TTN: variants seen among roughly 807,000 people sequenced by gnomAD.
TTN encodes titin, also known as connectin.
Under a neutral mutation model 3,223.0 loss-of-function variants are expected in TTN, and 1,525 were observed. The observed-to-expected ratio is 0.47, with a 90% CI of 0.45 to 0.49. The LOEUF (loss-of-function observed/expected upper bound fraction) is 0.49. Ranked by LOEUF, TTN falls within the 20% of genes least tolerant of loss-of-function variation. The pLI is 0.00. For missense variants in TTN, 40,786 were observed against 43,424.0 expected (o/e 0.94, Z 5.40); for synonymous variants, 14,094 against 15,161.0 (o/e 0.93, Z 5.17).
In TTN at chr2:178,534,520, T is replaced by C. The variant is rs1160872040; in HGVS notation, c.102095A>G (p.Tyr34032Cys). Residue 34032 changes from tyrosine (Y) to cysteine (C), a missense_variant, in exon 358 of 363, where the codon TAT (tyrosine) becomes TGT (cysteine). Tyr to Cys is a radical substitution (Grantham distance 194, BLOSUM62 -2). Transcript: ENST00000589042. ...TTTGAATGCTTCCTCATCGAAAGTATATTCAGCATTCATGATATTCTCAAT... is the reference window on the plus strand; with the variant it reads ...TTTGAATGCTTCCTCATCGAAAGTACATTCAGCATTCATGATATTCTCAAT... Reference protein sequence around the residue: ...QIIENIMNAEYTFDEEAFKEI... With the variant: ...QIIENIMNAECTFDEEAFKEI... The C allele has an allele frequency of 6.2e-7, 1 of 1,613,760 alleles. No homozygotes were observed. The highest frequency in any genetic ancestry group is 8.5e-7 in the Non-Finnish European group (1 of 1,179,804).
At chr2:178,628,448 A>G (rs1383147245) in intron 240 of TTN, among the ~76,000 whole-genome samples, 2 of 152,076 alleles carry the variant, frequency 1.3e-5, no homozygotes, top group East Asian at 1.9e-4. Flanking sequence ...GACATATTCC[A>G]TATATTTTAT....
intron 46 of TTN, 142 bp downstream of exon 46, chr2:178,756,080 A>C (rs1282894697): frequency 1.6e-6 from 1 of 642,976 alleles, no homozygotes; most frequent in African/African-American, 1.8e-5. Flanking sequence ...GACTTGGCTG[A>C]CTTTCAGAAG....
intron 47 of TTN, chr2:178,746,247 GC>G: frequency 6.2e-7 from 1 of 1,612,434 alleles, no homozygotes; most frequent in Non-Finnish European, 8.5e-7. Context: ...TCACAAATAG[GC>G]ATTATAAAGC....
rs140166195 is a variant in TTN at position 178,800,487 on chromosome 2, G to A, written c.491C>T (p.Ala164Val). The A allele has an allele frequency of 6.2e-7, 1 of 1,614,156 alleles. No individual in the cohort carries two copies. The change falls in exon 4 of 363, where the codon GCA becomes GTA. Residue 164 changes from alanine (A) to valine (V), a missense_variant. Transcript: ENST00000589042. ...QEGDLYSLLI[A>V]EAYPEDSGTY... Reference sequence around the variant, plus strand: ...CCCTGAGTCCTCAGGGTATGCTTCTGCAATCAGTAAGCTGTAGAGGTCGCC... The same window carrying A: ...CCCTGAGTCCTCAGGGTATGCTTCTACAATCAGTAAGCTGTAGAGGTCGCC...
At chr2:178,586,369 G>T in intron 308 of TTN, 136 bp downstream of exon 308, 1 of 991,894 alleles carries the variant, frequency 1.0e-6, no homozygotes, top group Non-Finnish European at 1.5e-6. Flanking sequence ...GCCCACTCAT[G>T]TGTTTGAAAG....
chr2:178,602,041 T>C lies in TTN; in HGVS notation c.55230A>G (p.Ser18410=), dbSNP rs757436440. The change falls in exon 284 of 363, where the codon TCA becomes TCG. Residue 18410 remains serine (S), a synonymous_variant. Coordinates refer to ENST00000589042, the MANE Select transcript of TTN (RefSeq NM_001267550.2). ...TTGCCTTTCCATCAAATTCCCAAGA[T>C]GATTTTGGTGTTGGGCGTCCCTTGA... ...AVIKGRPTPK[S]SWEFDGKAKK... is the part of the protein sequence containing the mutation. The C allele has an allele frequency of 1.4e-5, 22 of 1,612,642 alleles. No individual in the cohort carries two copies. The highest frequency in any genetic ancestry group is 2.7e-5 in the African/African-American group (2 of 74,836).
intron 4 of TTN, 63 bp downstream of exon 4, chr2:178,800,332 G>A (rs1017890429): frequency 2.2e-5 from 36 of 1,603,462 alleles, no homozygotes; most frequent in Non-Finnish European, 3.0e-5. Context: ...TGGACGCTTG[G>A]CCCCATTTAG....
Position 178,616,488 on chromosome 2 carries a change from T to C in TTN, c.48303A>G (p.Thr16101=), listed in dbSNP as rs775111634. The C allele has an allele frequency of 6.2e-7, 1 of 1,612,182 alleles. No individual in the cohort carries two copies. Among genetic ancestry groups the C allele is most frequent in the Non-Finnish European group, 8.5e-7 (1 of 1,178,760 alleles). ...GCTGCTCAAAACTCACTTTAGTCCA[T>C]GTTTTCCGGCTGACTTCTCGTTTTT... ...VVEKREVSRK[T]WTKVMDFVTD... The change falls in exon 257 of 363, where the codon ACA becomes ACG. Residue 16101 remains threonine, a synonymous_variant. Coordinates refer to ENST00000589042, the MANE Select transcript of TTN (RefSeq NM_001267550.2).
At position 178,633,151 on chromosome 2, in the gene TTN, A is replaced by T. The variant is rs765888940; in HGVS notation, c.43086+36T>A. ...TTTTTTCACCCTACACAACCAAGCAACCCCTCTCCTATATAATTAGCTAAT... is the reference window on the plus strand; with the variant it reads ...TTTTTTCACCCTACACAACCAAGCATCCCCTCTCCTATATAATTAGCTAAT... On this transcript the variant is annotated intron_variant, in intron 233 of 362. Coordinates refer to ENST00000589042, the MANE Select transcript of TTN (RefSeq NM_001267550.2). 15 of 1,603,684 alleles carry T rather than the reference A, an allele frequency of 9.4e-6. No individual in the cohort carries two copies. In the East Asian group the frequency reaches 3.2e-4, roughly 34 times the overall value.
rs374605213 is a variant in TTN at position 178,776,219 on chromosome 2, C to T, written c.5645G>A (p.Arg1882His). The T allele has an allele frequency of 5.2e-5, 84 of 1,613,996 alleles. 1 individual carries two copies. The highest frequency in any genetic ancestry group is 3.2e-4 in the Admixed American group (19 of 60,000). ...VNWYLNGQLIRKSKRFRVRYD... is the reference protein window; with the variant it reads ...VNWYLNGQLIHKSKRFRVRYD... ...GCGAACTCTGAACCTTTTGCTTTTG[C>T]GGATGAGCTGTCCATTGAGGTACCA... Residue 1882 changes from arginine (R) to histidine (H), a missense_variant, in exon 28 of 363, where the codon CGC (arginine) becomes CAC (histidine). Arg to His is a conservative substitution (Grantham distance 29). Transcript: ENST00000589042.
At position 178,767,885 on chromosome 2, in the gene TTN, C is replaced by G. The variant is rs768111768; in HGVS notation, c.9345G>C (p.Leu3115=). Residue 3115 remains leucine (L), a synonymous_variant, in exon 40 of 363, where the codon CTG becomes CTC. Coordinates refer to ENST00000589042, the MANE Select transcript of TTN (RefSeq NM_001267550.2). ...CATCAGACATCCGGGTGGATGGGAT[C>G]AGAAGGCGGTGGACATATTTCTCCT... ...IQKEKYVHRL[L]IPSTRMSDAG... The G allele has an allele frequency of 6.2e-7, 1 of 1,614,092 alleles. No individual in the cohort carries two copies. Among genetic ancestry groups the G allele is most frequent in the Non-Finnish European group, 8.5e-7 (1 of 1,180,014 alleles).
chr2:178,590,292 A>G lies in TTN; in HGVS notation c.61433T>C (p.Leu20478Pro). 1.9e-6 allele frequency: 3 copies of G among 1,570,894 alleles called. No individual in the cohort carries two copies. Among genetic ancestry groups the G allele is most frequent in the Non-Finnish European group, 2.6e-6 (3 of 1,159,108 alleles). The stretch of plus-strand genomic sequence containing the variant: ...AATAACATCACGACAAGTAACATCA[A>G]GTTCTACTTCTGGAGGATGAAGGAT... The part of the protein sequence containing the change: ...KDILHPPEVE[L>P]DVTCRDVITV... Residue 20478 changes from leucine (L) to proline (P), a missense_variant, in exon 304 of 363, where the codon CTT becomes CCT. Leu to Pro is a moderately conservative substitution (Grantham distance 98, BLOSUM62 -3). Coordinates refer to ENST00000589042, the MANE Select transcript of TTN (RefSeq NM_001267550.2).
In TTN at chr2:178,583,130, C is replaced by T. The variant is rs765142907; in HGVS notation, c.65673G>A (p.Pro21891=). The T allele has an allele frequency of 4.3e-6, 7 of 1,612,100 alleles. No homozygotes were observed. The highest frequency in any genetic ancestry group is 3.4e-6 in the Non-Finnish European group (4 of 1,178,988). Residue 21891 remains proline (P), a synonymous_variant, in exon 313 of 363, where the codon CCG becomes CCA. Transcript: ENST00000589042. ...VCLDATVFGK[P]MPTVSWKKDG... ...CTTTTTTCCAAGAAACTGTTGGCAT[C>T]GGTTTACCAAAAACAGTAGCATCCA...
rs2154346896 is a variant in TTN, at chr2:178,777,964, GGAGA to G, written c.4216_4219del (p.Ser1406HisfsTer4). 1 of 1,613,664 alleles carries G rather than the reference GGAGA, an allele frequency of 6.2e-7. No homozygotes were observed. The highest frequency in any genetic ancestry group is 8.5e-7 in the Non-Finnish European group (1 of 1,179,822). On this transcript the variant is annotated frameshift_variant, in exon 25 of 363. Coordinates refer to ENST00000589042, the MANE Select transcript of TTN (RefSeq NM_001267550.2). LOFTEE classifies it high-confidence loss of function. ...TATAGGAGACCTGCTCACTGAACGT[GGAGA>G]GAGAGATCTGCAAAACAAAGACACA... is the stretch of plus-strand genomic sequence containing the variant.
rs769799292 is a variant in TTN at position 178,723,540 on chromosome 2, A to G, written c.21560T>C (p.Phe7187Ser). The change falls in exon 74 of 363, where the codon TTT becomes TCT. Residue 7187 changes from phenylalanine to serine, a missense_variant. By Grantham distance (155) the Phe-to-Ser change is radical. Coordinates refer to ENST00000589042, the MANE Select transcript of TTN (RefSeq NM_001267550.2). ...TTCCAGTTCTGCCACAGTGTCTTCAAAATAGATGTTGCACCGGTCTCCTTT... is the reference window on the plus strand; with the variant it reads ...TTCCAGTTCTGCCACAGTGTCTTCAGAATAGATGTTGCACCGGTCTCCTTT... ...LVKGDRCNIY[F>S]EDTVAELELF... The G allele has an allele frequency of 6.2e-7, 1 of 1,613,430 alleles. No homozygotes were observed. Among genetic ancestry groups the G allele is most frequent in the African/African-American group, 1.3e-5 (1 of 75,032 alleles).
intron 69 of TTN, 140 bp downstream of exon 69, chr2:178,726,950 A>C: frequency 6.8e-6 from 6 of 876,756 alleles, no homozygotes; most frequent in Non-Finnish European, 9.3e-6. Flanking sequence ...ACCATCTAAA[A>C]AGGGAAATAA....
Position 178,654,179 on chromosome 2 carries a change from A to C in TTN, c.38380+29T>G, listed in dbSNP as rs184883030. 3.2e-6 allele frequency: 5 copies of C among 1,586,028 alleles called. 1 individual carries two copies. In the Middle Eastern group the frequency reaches 8.3e-4, roughly 264 times the overall value. On this transcript the variant is annotated intron_variant, in intron 193 of 362. Transcript: ENST00000589042. ...TTGTGAGGGGTACAGACAGTAAGTT[A>C]TTCTTAGCAGAGGAGAGGGAATAAA... is the stretch of plus-strand genomic sequence containing the variant.
At position 178,665,385 on chromosome 2, in the gene TTN, C is replaced by T. The variant is rs576436744; in HGVS notation, c.36035G>A (p.Arg12012His). The change falls in exon 165 of 363, where the codon CGT becomes CAT. Residue 12012 changes from arginine to histidine, a missense_variant. By Grantham distance (29) the Arg-to-His change is conservative. Coordinates refer to ENST00000589042, the MANE Select transcript of TTN (RefSeq NM_001267550.2). ...GTTCAGAGGTAACGTACTTTTCATA[C>T]GTGGAGTTTCTGGCTCTTCAGGTAC... ...EDVPEEPETP[R>H]MKTPEAPQEI... The T allele has an allele frequency of 5.0e-6, 8 of 1,612,114 alleles. No individual in the cohort carries two copies. The highest frequency in any genetic ancestry group is 2.7e-5 in the African/African-American group (2 of 74,892).
In TTN at chr2:178,720,666, A is replaced by G. The variant is rs2562830; in HGVS notation, c.23099-3T>C. The G allele has an allele frequency of 0.25, 387,675 of 1,567,300 alleles. 57,241 individuals carry two copies. The highest frequency in any genetic ancestry group is 0.65 in the East Asian group (28,817 of 44,420). ...CTTCTGGGTGAAAACAGGAGGTGCT[A>G]CCAGAAAAAAGGAGATAAACAATGA... On this transcript the variant is annotated splice_polypyrimidine_tract_variant and splice_region_variant and intron_variant, in intron 79 of 362. Coordinates refer to ENST00000589042, the MANE Select transcript of TTN (RefSeq NM_001267550.2).
Sources: gnomAD v4.1 joint callset for allele counts (sites outside exome capture counted in the v4.1 genomes callset) on GRCh38, gnomAD v4.1.1 for gene constraint, MANE v1.5 for transcripts, NCBI Gene and HGNC (gene_info 2026-07-23, HGNC 2026-07-21) for gene names.